SPPL3: variants seen among roughly 807,000 people sequenced by gnomAD.
The protein encoded by SPPL3 is signal peptide peptidase-like 3.
SPPL3 carries 5 observed loss-of-function variants against 42.4 expected under a neutral mutation model. The ratio of observed to expected loss-of-function variants is 0.12; its 90% CI spans 0.06 to 0.25. SPPL3 has a LOEUF of 0.25. SPPL3 is among the 10% of genes least tolerant of loss of function. SPPL3 has a pLI of 1.00. For synonymous variants in SPPL3, 195 were observed against 181.8 expected (o/e 1.07, Z -0.58); for missense variants, 235 against 489.0 (o/e 0.48, Z 4.90).
chr12:120,872,313 G>C (rs980228759), intron 1 of SPPL3, among the ~76,000 whole-genome samples: 5 of 152,126 alleles, frequency 3.3e-5, no homozygotes, highest in African/African-American at 1.2e-4. Context: ...TAAACAGCTA[G>C]AAAACCAGAC....
At chr12:120,791,712 A>G in intron 2 of SPPL3, 155 bp from the exon 3 acceptor site, 1 of 587,480 alleles carries the variant, frequency 1.7e-6, no homozygotes, top group Non-Finnish European at 3.0e-6. Flanking sequence ...TTAAAAAACA[A>G]TCTTCAGTCC....
intron 2 of SPPL3, among the ~76,000 whole-genome samples, chr12:120,794,514 C>T (rs917026902): frequency 4.6e-5 from 7 of 152,168 alleles, no homozygotes; most frequent in Non-Finnish European, 7.3e-5. Context: ...TCTCCTGCCT[C>T]AGCCTCCCGA....
chr12:120,850,125 C>T (rs535680225), intron 1 of SPPL3, among the ~76,000 whole-genome samples: 1 of 152,168 alleles, frequency 6.6e-6, no homozygotes, highest in East Asian at 1.9e-4. Flanking sequence ...ACTTGTTGGA[C>T]CAGCTAGATT....
At chr12:120,868,881 A>G (rs1025819536) in intron 1 of SPPL3, among the ~76,000 whole-genome samples, 2 of 152,236 alleles carry the variant, frequency 1.3e-5, no homozygotes, top group African/African-American at 4.8e-5. Context: ...AAGTAATCTT[A>G]AAGGCTGTGG....
chr12:120,828,346 C>T (rs180923443), intron 1 of SPPL3, among the ~76,000 whole-genome samples: 21 of 151,596 alleles, frequency 1.4e-4, no homozygotes, highest in Non-Finnish European at 2.5e-4. Context: ...GGCAAATCTA[C>T]AGCATTAAGT....
Position 120,784,490 on chromosome 12 carries a change from A to G in SPPL3, c.294T>C (p.Phe98=), listed in dbSNP as rs953921499. ...FFFFDSVQVV[F]TICTAVLATI... ...CATATTTACCTGCTGTACATATTGTAAAAACTACTTGAACTGAGTCAAAGA... is the reference window on the plus strand; with the variant it reads ...CATATTTACCTGCTGTACATATTGTGAAAACTACTTGAACTGAGTCAAAGA... Residue 98 remains phenylalanine, a synonymous_variant, in exon 4 of 11, where the codon TTT becomes TTC. Transcript: ENST00000353487. 2 of 1,609,576 alleles carry G rather than the reference A, an allele frequency of 1.2e-6. No individual in the cohort carries two copies. The highest frequency in any genetic ancestry group is 1.3e-5 in the African/African-American group (1 of 74,598).
chr12:120,801,624 T>C (rs939759990), intron 2 of SPPL3, among the ~76,000 whole-genome samples: 3 of 152,328 alleles, frequency 2.0e-5, no homozygotes, highest in East Asian at 3.9e-4. Context: ...CATTAGTATA[T>C]ACTGCTTTTT....
At chr12:120,873,008 T>G (rs540960891) in intron 1 of SPPL3, among the ~76,000 whole-genome samples, 16 of 152,008 alleles carry the variant, frequency 1.1e-4, no homozygotes, top group Non-Finnish European at 2.1e-4. Flanking sequence ...AGATGAAAAA[T>G]TAATTGAAAT....
intron 1 of SPPL3, among the ~76,000 whole-genome samples, chr12:120,846,417 G>A (rs1182898907): frequency 1.3e-5 from 2 of 152,142 alleles, no homozygotes; most frequent in Non-Finnish European, 2.9e-5. Context: ...TAAAAGCAGG[G>A]AATTTTATTG....
chr12:120,882,003 A>C (rs1873300763), intron 1 of SPPL3, among the ~76,000 whole-genome samples: 2 of 151,956 alleles, frequency 1.3e-5, no homozygotes, highest in African/African-American at 4.8e-5. Context: ...CCGTGGTCTG[A>C]AAATATTAAA....
At chr12:120,889,235 T>C (rs911545214) in intron 1 of SPPL3, among the ~76,000 whole-genome samples, 4 of 152,302 alleles carry the variant, frequency 2.6e-5, no homozygotes, top group Middle Eastern at 3.4e-3. Flanking sequence ...TAGAAGAGCA[T>C]GAAAAAGCGA....
At chr12:120,776,217 G>T (rs760070237) in intron 6 of SPPL3, among the ~76,000 whole-genome samples, 5 of 152,234 alleles carry the variant, frequency 3.3e-5, no homozygotes, top group Non-Finnish European at 7.3e-5. Flanking sequence ...ACAGAAAAAT[G>T]TGGTAAAATT....
chr12:120,868,207 G>T (rs575844807), intron 1 of SPPL3, among the ~76,000 whole-genome samples: 15 of 151,816 alleles, frequency 9.9e-5, no homozygotes, highest in Non-Finnish European at 1.0e-4. Context: ...AGTGAGCCAT[G>T]ATCATGCCAC....
intron 1 of SPPL3, among the ~76,000 whole-genome samples, chr12:120,872,143 T>C (rs1872953537): frequency 6.6e-6 from 1 of 152,218 alleles, no homozygotes. Context: ...ATTGTATTGT[T>C]ATTATTTTCT....
chr12:120,899,439 C>T (rs1385981179), intron 1 of SPPL3, among the ~76,000 whole-genome samples: 31 of 152,140 alleles, frequency 2.0e-4, no homozygotes, highest in Admixed American at 2.0e-3. Context: ...TTGGTATTTA[C>T]TCAGTAGGGT....
At chr12:120,827,393 A>C (rs1303472423) in intron 1 of SPPL3, among the ~76,000 whole-genome samples, 3 of 150,794 alleles carry the variant, frequency 2.0e-5, no homozygotes, top group African/African-American at 7.3e-5. Context: ...TAATAATAAT[A>C]CTTTGGGGGC....
At chr12:120,866,845 T>C (rs1328555807) in intron 1 of SPPL3, among the ~76,000 whole-genome samples, 1 of 152,244 alleles carries the variant, frequency 6.6e-6, no homozygotes, top group Non-Finnish European at 1.5e-5. Flanking sequence ...ACTGACAGCA[T>C]AATTCTGAGG....
Position 120,766,100 on chromosome 12 carries a change from G to GCGCA in SPPL3, c.1083+162_1083+163insTGCG, listed in dbSNP as rs1186435935. 5.5e-3 allele frequency among the ~76,000 whole-genome samples: 462 copies of GCGCA among 84,120 alleles called. 4 individuals carry two copies. The highest frequency in any genetic ancestry group is 0.019 in the African/African-American group (444 of 23,348). The allele number at this position is 84,120 out of a possible 152,430, so 55.2% of individuals were successfully genotyped here. On this transcript the variant is annotated intron_variant, in intron 10 of 10. Transcript: ENST00000353487. ...GCTAACGCCAGGGTAGCGCGCGCGC[G>GCGCA]CACACACACACACACACACACACAC...
At chr12:120,770,912 CA>C (rs1192285040) in intron 6 of SPPL3, among the ~76,000 whole-genome samples, 1 of 152,192 alleles carries the variant, frequency 6.6e-6, no homozygotes, top group Non-Finnish European at 1.5e-5. Context: ...CTAACATGTC[CA>C]AACTCAGCTC....
Sources: gnomAD v4.1 joint callset for allele counts (sites outside exome capture counted in the v4.1 genomes callset) on GRCh38, gnomAD v4.1.1 for gene constraint, MANE v1.5 for transcripts, NCBI Gene and HGNC (gene_info 2026-07-23, HGNC 2026-07-21) for gene names.